The following TTBK2 variants were observed in gnomAD, a reference collection of about 807,000 sequenced individuals.
TTBK2 encodes tau tubulin kinase 2.
Under a neutral mutation model 110.8 loss-of-function variants are expected in TTBK2, and 28 were observed. That is an observed-to-expected ratio of 0.25 (90% CI 0.19 to 0.35). TTBK2 has a LOEUF of 0.35. Ranked by LOEUF, TTBK2 falls within the 10% of genes least tolerant of loss-of-function variation. The pLI is 1.00. For synonymous variants in TTBK2, 532 were observed against 527.3 expected (o/e 1.01, Z -0.12); for missense variants, 1,369 against 1,500.3 (o/e 0.91, Z 1.45).
chr15:42,815,791 T>C (rs577529825), intron 7 of TTBK2, among the ~76,000 whole-genome samples: 37 of 147,818 alleles, frequency 2.5e-4, no homozygotes, highest in Non-Finnish European at 4.6e-4. Context: ...GTATTGATAG[T>C]ATTATATTCC....
intron 1 of TTBK2, among the ~76,000 whole-genome samples, chr15:42,913,250 T>G (rs2030888593): frequency 6.7e-6 from 1 of 150,318 alleles, no homozygotes. Flanking sequence ...TATTCACCAC[T>G]CACACTTCAA....
At chr15:42,801,378 A>C in intron 9 of TTBK2, 2 of 1,384,542 alleles carry the variant, frequency 1.4e-6, no homozygotes, top group Non-Finnish European at 2.1e-6. Context: ...GGCATCCTTA[A>C]TGGCTAGCTC....
intron 10 of TTBK2, among the ~76,000 whole-genome samples, chr15:42,790,535 C>T (rs1344662070): frequency 6.6e-6 from 1 of 152,112 alleles, no homozygotes; most frequent in Non-Finnish European, 1.5e-5. Flanking sequence ...ATCTGTCCAC[C>T]TTGGCCTCCC....
At chr15:42,889,556 C>T (rs936419806) in intron 1 of TTBK2, among the ~76,000 whole-genome samples, 18 of 152,200 alleles carry the variant, frequency 1.2e-4, no homozygotes, top group South Asian at 6.2e-4. Context: ...AAAAACTCGC[C>T]AACCAAGCAA....
chr15:42,836,733 A>G lies in TTBK2; in HGVS notation c.291+3627T>C, dbSNP rs142323943. Among the ~76,000 whole-genome samples, 501 of 152,324 alleles carry G rather than the reference A, an allele frequency of 3.3e-3. 2 individuals carry two copies. The highest frequency in any genetic ancestry group is 0.011 in the African/African-American group (475 of 41,560). ...AAGACTCAGAAAGACTCTGCAGACT[A>G]AAGAAAAAAAGCTGCTTTATATAAT... On this transcript the variant is annotated intron_variant, in intron 4 of 14. Transcript: ENST00000267890.
chr15:42,896,135 C>T (rs769028877), intron 1 of TTBK2, among the ~76,000 whole-genome samples: 1 of 151,714 alleles, frequency 6.6e-6, no homozygotes, highest in Non-Finnish European at 1.5e-5. Flanking sequence ...TCGAGACCAC[C>T]CTGACCAACA....
At chr15:42,906,077 A>C (rs2030376893) in intron 1 of TTBK2, among the ~76,000 whole-genome samples, 1 of 152,142 alleles carries the variant, frequency 6.6e-6, no homozygotes, top group South Asian at 2.1e-4. Context: ...AATCCCAGCT[A>C]TTCGGGAGGC....
chr15:42,919,260 GTCA>G (rs759239239), intron 1 of TTBK2, among the ~76,000 whole-genome samples: 367 of 144,516 alleles, frequency 2.5e-3, no homozygotes, highest in Non-Finnish European at 4.3e-3. Context: ...AGCTATATTT[GTCA>G]TCATTACTGC....
chr15:42,743,104 CT>C lies in TTBK2; in HGVS notation c.*2690del, dbSNP rs2061760447. On this transcript the variant is annotated 3_prime_UTR_variant, in exon 15 of 15. Coordinates refer to ENST00000267890, the MANE Select transcript of TTBK2 (RefSeq NM_173500.4). ...CTTATAAGCAGACCTATTGATACCACTTATATATAATTAGTCTGTTTTCTTT... is the reference window on the plus strand; with the variant it reads ...CTTATAAGCAGACCTATTGATACCACTATATATAATTAGTCTGTTTTCTTT... The C allele has an allele frequency of 1.3e-5, 2 of 152,184 alleles. No individual in the cohort carries two copies. The highest frequency in any genetic ancestry group is 2.4e-5 in the African/African-American group (1 of 41,454). 9.4% of individuals were successfully genotyped at this position (152,184 alleles called of 1,614,324 possible).
At chr15:42,846,129 A>G (rs72713794) in intron 3 of TTBK2, among the ~76,000 whole-genome samples, 2,300 of 138,494 alleles carry the variant, frequency 0.017, 21 homozygotes, top group Non-Finnish European at 0.024. Context: ...AATTACAGGA[A>G]AAAAAAAAAG....
At chr15:42,769,939 C>T (rs1033095495) in intron 13 of TTBK2, among the ~76,000 whole-genome samples, 10 of 152,262 alleles carry the variant, frequency 6.6e-5, no homozygotes, top group African/African-American at 2.4e-4. Context: ...AGGATGAGTT[C>T]ATGTCCTTTG....
chr15:42,746,897 G>A (rs556308163), intron 14 of TTBK2, among the ~76,000 whole-genome samples: 5 of 151,906 alleles, frequency 3.3e-5, no homozygotes, highest in African/African-American at 1.2e-4. Context: ...AATAGTCTGG[G>A]ATTAAGGAGG....
At chr15:42,810,858 A>C in intron 8 of TTBK2, 119 bp from the exon 9 acceptor site, 1 of 1,187,590 alleles carries the variant, frequency 8.4e-7, no homozygotes, top group Non-Finnish European at 1.2e-6. Flanking sequence ...GTAATTAAGC[A>C]TAAAGCAAGA....
At chr15:42,799,088 C>T (rs1891064664) in intron 9 of TTBK2, among the ~76,000 whole-genome samples, 1 of 152,024 alleles carries the variant, frequency 6.6e-6, no homozygotes, top group African/African-American at 2.4e-5. Context: ...ATCTGAAATC[C>T]ACTGGGCGCG....
chr15:42,789,189 T>C (rs1381679149), intron 10 of TTBK2, among the ~76,000 whole-genome samples: 2 of 152,200 alleles, frequency 1.3e-5, no homozygotes, highest in Non-Finnish European at 2.9e-5. Flanking sequence ...TCCTTTGACC[T>C]ACATCTCCCC....
chr15:42,907,532 G>A (rs1481232762), intron 1 of TTBK2, among the ~76,000 whole-genome samples: 2 of 152,044 alleles, frequency 1.3e-5, no homozygotes, highest in Admixed American at 1.3e-4. Flanking sequence ...TGGAAATGAA[G>A]GCCATTACAT....
chr15:42,919,404 C>G (rs1220316137), intron 1 of TTBK2, among the ~76,000 whole-genome samples: 1 of 152,204 alleles, frequency 6.6e-6, no homozygotes, highest in Non-Finnish European at 1.5e-5. Flanking sequence ...CAAAGGTACA[C>G]AGCCAACACA....
chr15:42,833,682 G>A lies in TTBK2; in HGVS notation c.292-3604C>T, dbSNP rs550627586. Among the ~76,000 whole-genome samples the A allele has an allele frequency of 2.0e-5, 3 of 152,136 alleles. No homozygotes were observed. In the South Asian group the frequency reaches 6.2e-4, roughly 32 times the overall value. ...GAGCCCAGGAGTTCAAGACCAGCCT[G>A]GGCAACATACTGAGACCTCATCACT... On this transcript the variant is annotated intron_variant, in intron 4 of 14. Coordinates refer to ENST00000267890, the MANE Select transcript of TTBK2 (RefSeq NM_173500.4).
chr15:42,878,746 C>A, intron 1 of TTBK2, 62 bp from the exon 2 acceptor site: 2 of 1,556,354 alleles, frequency 1.3e-6, no homozygotes, highest in Non-Finnish European at 1.7e-6. Context: ...ACACAAATAA[C>A]ATTCCAGCAT....
Sources: allele counts gnomAD v4.1 joint callset (sites outside exome capture counted in the v4.1 genomes callset), GRCh38; gene constraint gnomAD v4.1.1; transcripts MANE v1.5; gene names NCBI Gene and HGNC (gene_info 2026-07-23, HGNC 2026-07-21).